Variants in TTLL4 observed in about 807,000 individuals in gnomAD.
The protein encoded by TTLL4 is tubulin tyrosine ligase like 4.
Under a neutral mutation model 122.7 loss-of-function variants are expected in TTLL4, and 85 were observed. The observed-to-expected ratio is 0.69, with a 90% confidence interval of 0.58 to 0.83. The LOEUF (loss-of-function observed/expected upper bound fraction) is 0.83. Among genes scored for constraint, TTLL4 ranks in the 40% least tolerant of loss-of-function variants. The probability of loss-of-function intolerance (pLI) is 0.00; values close to 1 mark genes in which losing one functional copy is unlikely to be tolerated. For missense variants in TTLL4, 1,363 were observed against 1,488.6 expected, an observed-to-expected ratio of 0.92 and a Z score of 1.39; for synonymous variants, 553 against 563.0, an observed-to-expected ratio of 0.98 and a Z score of 0.25.
chr2:218,738,320 C>G lies in TTLL4; in HGVS notation c.644C>G (p.Pro215Arg). ...IPSPLSSSYK[P>R]MLNNNSFMWP... is the part of the protein sequence containing the mutation. ...TCTCCACTCTCTTCCTCCTATAAGC[C>G]CATGCTGAATAATAATTCCTTCATG... The change falls in exon 3 of 20, where the codon CCC becomes CGC. Residue 215 changes from proline to arginine, a missense_variant. By Grantham distance (103) the Pro-to-Arg change is moderately radical. Coordinates refer to ENST00000392102, the MANE Select transcript of TTLL4 (RefSeq NM_014640.5). The G allele has an allele frequency of 6.2e-7, 1 of 1,614,130 alleles. No homozygotes were observed. Among genetic ancestry groups the G allele is most frequent in the South Asian group, 1.1e-5 (1 of 91,088 alleles).
At chr2:218,752,119 G>T (rs1943037656) in intron 16 of TTLL4, among the ~76,000 whole-genome samples, 1 of 152,000 alleles carries the variant, frequency 6.6e-6, no homozygotes. Context: ...TGTTGGTCAG[G>T]CTGGTCTCAA....
chr2:218,734,667 G>A (rs1036176665), intron 2 of TTLL4, among the ~76,000 whole-genome samples: 2 of 152,132 alleles, frequency 1.3e-5, no homozygotes, highest in Non-Finnish European at 2.9e-5. Flanking sequence ...GTTTTTCAGG[G>A]GGACCAGCCT....
chr2:218,716,649 C>T (rs1038100838), intron 1 of TTLL4, among the ~76,000 whole-genome samples: 6 of 152,210 alleles, frequency 3.9e-5, no homozygotes, highest in Middle Eastern at 3.4e-3. Context: ...ATTAGCCGGG[C>T]GTGGTAGTAA....
intron 2 of TTLL4, among the ~76,000 whole-genome samples, chr2:218,730,067 T>C (rs1942323187): frequency 6.6e-6 from 1 of 152,100 alleles, no homozygotes; most frequent in African/African-American, 2.4e-5. Context: ...TACAAGATCA[T>C]ATGTCCTACA....
intron 1 of TTLL4, among the ~76,000 whole-genome samples, chr2:218,717,887 C>T (rs1941912531): frequency 6.6e-6 from 1 of 152,118 alleles, no homozygotes; most frequent in East Asian, 1.9e-4. Flanking sequence ...CAAGCTCCGC[C>T]TCCCGGGTTC....
chr2:218,717,005 C>CT (rs948103365), intron 1 of TTLL4, among the ~76,000 whole-genome samples: 14 of 150,770 alleles, frequency 9.3e-5, no homozygotes, highest in Admixed American at 6.6e-4. Flanking sequence ...TTTTCTTTTT[C>CT]TTTTTTTTTG....
intron 2 of TTLL4, among the ~76,000 whole-genome samples, chr2:218,730,348 A>AAAAAAAAAAC (rs1942342815): frequency 8.7e-6 from 1 of 115,520 alleles, no homozygotes; most frequent in Non-Finnish European, 1.8e-5. Flanking sequence ...AAAAAAAAAA[A>AAAAAAAAAAC]AGAAAAAAAA....
chr2:218,753,075 C>A, intron 17 of TTLL4, 40 bp from the exon 18 acceptor site: 1 of 1,613,720 alleles, frequency 6.2e-7, no homozygotes, highest in Non-Finnish European at 8.5e-7. Context: ...CCAATTGATT[C>A]TACCTTCTTA....
intron 3 of TTLL4, 64 bp downstream of exon 3, chr2:218,739,227 G>A (rs1942632488): frequency 3.3e-6 from 5 of 1,520,662 alleles, no homozygotes; most frequent in Admixed American, 2.1e-5. Context: ...ATTTGGGGTG[G>A]CACCGACCCT....
chr2:218,736,628 C>A (rs1942532162), intron 2 of TTLL4, among the ~76,000 whole-genome samples: 1 of 152,106 alleles, frequency 6.6e-6, no homozygotes, highest in Non-Finnish European at 1.5e-5. Flanking sequence ...AGTTCAATTT[C>A]CTTTCTTCTT....
intron 8 of TTLL4, 101 bp downstream of exon 8, chr2:218,746,332 AC>A: frequency 7.6e-7 from 1 of 1,320,004 alleles, no homozygotes; most frequent in Non-Finnish European, 1.1e-6. Flanking sequence ...GAGGATGATG[AC>A]CATGGAGAAG....
In TTLL4 at chr2:218,738,405, G is replaced by A. The variant is rs139281397; in HGVS notation, c.729G>A (p.Ser243=). ...CCACACAGGGCCTGAAGCCAGTATC[G>A]CCACCCAAGATCCAGCCTGTCTCCT... ...LQTTQGLKPV[S]PPKIQPVSWH... The change falls in exon 3 of 20, where the codon TCG becomes TCA. Residue 243 remains serine, a synonymous_variant. Transcript: ENST00000392102. The A allele has an allele frequency of 4.0e-5, 64 of 1,614,054 alleles. 1 individual carries two copies. The East Asian group carries it at 5.1e-4, about 13-fold the overall frequency.
intron 2 of TTLL4, among the ~76,000 whole-genome samples, chr2:218,730,102 T>A (rs950640962): frequency 3.9e-5 from 6 of 151,974 alleles, no homozygotes; most frequent in Non-Finnish European, 7.4e-5. Context: ...TACTTCTTCC[T>A]TTCCAATCTG....
Position 218,750,137 on chromosome 2 carries a change from C to T in TTLL4, c.2864C>T (p.Ser955Phe). 7 of 1,613,746 alleles carry T rather than the reference C, an allele frequency of 4.3e-6. No homozygotes were observed. Among genetic ancestry groups the T allele is most frequent in the Non-Finnish European group, 5.9e-6 (7 of 1,179,838 alleles). The change falls in exon 15 of 20, where the codon TCC becomes TTC. Residue 955 changes from serine to phenylalanine, a missense_variant. By Grantham distance (155) the Ser-to-Phe change is radical. Transcript: ENST00000392102. ...TCCAGCCCCAGCAGCTGCAGCAGCT[C>T]CACCACCAGGTGAGGCCCCTATTTC... is the stretch of plus-strand genomic sequence containing the variant. The part of the protein sequence containing the change: ...IISSPSSCSS[S>F]TTSLPTSPGD...
At chr2:218,724,871 T>C (rs6704575) in intron 1 of TTLL4, among the ~76,000 whole-genome samples, 75,456 of 151,796 alleles carry the variant, frequency 0.5, 19,477 homozygotes, top group African/African-American at 0.61. Context: ...GTGAGACTTA[T>C]AAAAAACAGC....
In TTLL4 at chr2:218,755,236, A is replaced by G. The variant is rs962540534; in HGVS notation, c.*847A>G. On this transcript the variant is annotated 3_prime_UTR_variant, in exon 20 of 20. Coordinates refer to ENST00000392102, the MANE Select transcript of TTLL4 (RefSeq NM_014640.5). ...GGAGATGTGGTTTCTCTATAGTGCAACAAACATGGTTTCTCAATGTTCTGC... is the reference window on the plus strand; with the variant it reads ...GGAGATGTGGTTTCTCTATAGTGCAGCAAACATGGTTTCTCAATGTTCTGC... 1.3e-5 allele frequency: 2 copies of G among 152,162 alleles called. No homozygotes were observed. The highest frequency in any genetic ancestry group is 4.8e-5 in the African/African-American group (2 of 41,418). The allele number at this position is 152,162 out of a possible 1,614,324, so 9.4% of individuals were successfully genotyped here. A position where few individuals can be genotyped will look rare whatever the true frequency, so the allele number is the denominator to read the frequency against.
Position 218,750,156 on chromosome 2 carries a change from C to G in TTLL4, c.2873+10C>G, listed in dbSNP as rs751462517. 2 of 1,612,974 alleles carry G rather than the reference C, an allele frequency of 1.2e-6. No homozygotes were observed. Among genetic ancestry groups the G allele is most frequent in the Admixed American group, 1.7e-5 (1 of 59,960 alleles). ...GCAGCTCCACCACCAGGTGAGGCCC[C>G]TATTTCTTCACAGCTCTGCTGGCAG... On this transcript the variant is annotated intron_variant, in intron 15 of 19. Transcript: ENST00000392102.
At position 218,748,894 on chromosome 2, in the gene TTLL4, T is replaced by C; in HGVS notation, c.2560T>C (p.Trp854Arg). ...SQKGVNSDAI[W>R]EKIKDVVVKT... is the part of the protein sequence containing the mutation. ...GAAGGGAGTCAATAGCGACGCCATC[T>C]GGGAGAAGATAAAGGATGTTGTTGT... Residue 854 changes from tryptophan (W) to arginine (R), a missense_variant, in exon 13 of 20, where the codon TGG (tryptophan) becomes CGG (arginine). By Grantham distance (101) the Trp-to-Arg change is moderately radical. Around this residue, in one of 3 missense-constraint regions of TTLL4, gnomAD observed 596 missense variants for 655.8 expected, o/e 0.91. Coordinates refer to ENST00000392102, the MANE Select transcript of TTLL4 (RefSeq NM_014640.5). 6.2e-7 allele frequency: 1 copy of C among 1,614,166 alleles called. No homozygotes were observed. Among genetic ancestry groups the C allele is most frequent in the Non-Finnish European group, 8.5e-7 (1 of 1,180,016 alleles).
At position 218,738,025 on chromosome 2, in the gene TTLL4, C is replaced by A; in HGVS notation, c.349C>A (p.Leu117Ile). Residue 117 changes from leucine (L) to isoleucine (I), a missense_variant, in exon 3 of 20, where the codon CTA (leucine) becomes ATA (isoleucine). Around this residue, in one of 3 missense-constraint regions of TTLL4, gnomAD observed 760 missense variants for 808.4 expected, o/e 0.94. Transcript: ENST00000392102. ...CCCGGACTTGTTCAACAGCACCCTG[C>A]TATACCGCCGCTCCAGCTATAGGCA... ...SLPDLFNSTL[L>I]YRRSSYRQKP... is the part of the protein sequence containing the mutation. 6.2e-7 allele frequency: 1 copy of A among 1,614,172 alleles called. No individual in the cohort carries two copies. The highest frequency in any genetic ancestry group is 8.5e-7 in the Non-Finnish European group (1 of 1,180,036).
Sources: gnomAD v4.1 joint callset for allele counts (sites outside exome capture counted in the v4.1 genomes callset) on GRCh38, gnomAD v4.1.1 for gene constraint, gnomAD v4.1.1 regional missense constraint, MANE v1.5 for transcripts, NCBI Gene and HGNC (gene_info 2026-07-23, HGNC 2026-07-21) for gene names.